Variants in FOXP1 observed in about 807,000 individuals in gnomAD.
FOXP1 encodes forkhead box P1, also known as forkhead box protein P1.
In FOXP1, 15 loss-of-function variants were observed where a neutral mutation model predicts 98.2. The observed-to-expected ratio is 0.15, with a 90% CI of 0.10 to 0.24. The LOEUF (loss-of-function observed/expected upper bound fraction) is 0.24, where lower values mean the gene tolerates loss of function less well. FOXP1 is among the 10% of genes least tolerant of loss of function. The pLI is 1.00. For missense variants in FOXP1, 633 were observed against 848.5 expected, an observed-to-expected ratio of 0.75 and a Z score of 3.15; for synonymous variants, 371 against 314.5, an observed-to-expected ratio of 1.18 and a Z score of -1.90.
At chr3:71,347,551 C>T (rs1322936029) in intron 4 of FOXP1, among the ~76,000 whole-genome samples, 4 of 152,062 alleles carry the variant, frequency 2.6e-5, no homozygotes, top group African/African-American at 4.8e-5. Flanking sequence ...AGGGTCATGT[C>T]AATATCATCA....
intron 1 of FOXP1, chr3:71,582,119 G>C (rs551936307): frequency 2.0e-6 from 2 of 983,744 alleles, no homozygotes; most frequent in Non-Finnish European, 2.4e-6. Flanking sequence ...ACACATGGGA[G>C]GGGGGCATGC....
intron 2 of FOXP1, among the ~76,000 whole-genome samples, chr3:71,522,074 C>A (rs544929991): frequency 2.0e-5 from 3 of 152,234 alleles, no homozygotes; most frequent in Non-Finnish European, 4.4e-5. Flanking sequence ...AAATAAAAAA[C>A]AGCCACATAC....
rs371567742 is a variant in FOXP1 at position 71,583,312 on chromosome 3, C to G, written c.-447+259G>C. Among the ~76,000 whole-genome samples the G allele has an allele frequency of 6.2e-4, 95 of 152,048 alleles. 1 individual carries two copies. In the South Asian group the frequency reaches 0.016, roughly 26 times the overall value. The stretch of plus-strand genomic sequence containing the variant: ...GCGCCGCCGGAGCTCCCTCCACCCG[C>G]GCGCCGGCCCGCAGCCCCCACCCAT... On this transcript the variant is annotated intron_variant, in intron 1 of 20. Transcript: ENST00000649528.
At chr3:70,979,897 A>C (rs2038511303) in intron 14 of FOXP1, among the ~76,000 whole-genome samples, 1 of 152,192 alleles carries the variant, frequency 6.6e-6, no homozygotes, top group African/African-American at 2.4e-5. Context: ...AGAAATACTA[A>C]TGGAAAAATG....
intron 6 of FOXP1, among the ~76,000 whole-genome samples, chr3:71,118,156 C>A (rs949542917): frequency 6.6e-6 from 1 of 152,170 alleles, no homozygotes; most frequent in African/African-American, 2.4e-5. Context: ...ATGGCCCTCT[C>A]GCTGCTGGCT....
rs2050378424 is a variant in FOXP1, at chr3:71,054,718, C to T, written c.283-945G>A. On this transcript the variant is annotated intron_variant, in intron 7 of 20. Coordinates refer to ENST00000649528, the MANE Select transcript of FOXP1 (RefSeq NM_001349338.3). The stretch of plus-strand genomic sequence containing the variant: ...TGTCAGTCCCCGTAATGCAAGAAGA[C>T]TATTTCATGAAAAATCACCCCCCGC... Among the ~76,000 whole-genome samples the T allele has an allele frequency of 2.6e-5, 4 of 151,930 alleles. No individual in the cohort carries two copies. The South Asian group carries it at 8.3e-4, about 32-fold the overall frequency.
chr3:71,466,124 G>T (rs1440098291), intron 3 of FOXP1, among the ~76,000 whole-genome samples: 1 of 152,128 alleles, frequency 6.6e-6, no homozygotes, highest in Non-Finnish European at 1.5e-5. Context: ...GCACAAGTGC[G>T]TACAGACCCC....
intron 2 of FOXP1, among the ~76,000 whole-genome samples, chr3:71,512,605 G>A (rs996473882): frequency 6.6e-6 from 1 of 152,150 alleles, no homozygotes; most frequent in African/African-American, 2.4e-5. Context: ...CTTTTCCTGG[G>A]TGACAAAAGA....
At chr3:71,388,229 A>G (rs994903847) in intron 3 of FOXP1, among the ~76,000 whole-genome samples, 1 of 152,220 alleles carries the variant, frequency 6.6e-6, no homozygotes, top group African/African-American at 2.4e-5. Flanking sequence ...TCTGAGAGCT[A>G]GTAAGCTAAA....
intron 4 of FOXP1, among the ~76,000 whole-genome samples, chr3:71,322,336 A>G (rs1408975542): frequency 6.6e-6 from 1 of 152,242 alleles, no homozygotes; most frequent in Non-Finnish European, 1.5e-5. Context: ...TGCACCAGTC[A>G]TATTTCCAGT....
At chr3:71,430,028 T>A (rs1408801778) in intron 3 of FOXP1, among the ~76,000 whole-genome samples, 2 of 152,228 alleles carry the variant, frequency 1.3e-5, no homozygotes, top group African/African-American at 4.8e-5. Flanking sequence ...AGATTCCTTT[T>A]TCCTCCATCC....
intron 5 of FOXP1, among the ~76,000 whole-genome samples, chr3:71,209,898 C>T (rs532138666): frequency 1.3e-5 from 2 of 152,292 alleles, no homozygotes; most frequent in East Asian, 3.9e-4. Context: ...ATAAGCAAAA[C>T]ATACTGAAAA....
intron 5 of FOXP1, among the ~76,000 whole-genome samples, chr3:71,221,380 G>C (rs1054928828): frequency 2.0e-5 from 3 of 152,214 alleles, no homozygotes; most frequent in African/African-American, 7.2e-5. Context: ...AGAAGACTTA[G>C]AAGGGAGTTT....
chr3:71,413,526 A>T (rs1005776952), intron 3 of FOXP1, among the ~76,000 whole-genome samples: 1 of 152,108 alleles, frequency 6.6e-6, no homozygotes, highest in Non-Finnish European at 1.5e-5. Flanking sequence ...GCAAAATTTT[A>T]TTATAAAAAT....
At chr3:71,026,996 T>C (rs9853278) in intron 11 of FOXP1, among the ~76,000 whole-genome samples, 4,400 of 152,316 alleles carry the variant, frequency 0.029, 179 homozygotes, top group African/African-American at 0.093. Flanking sequence ...CAGTAAGGGC[T>C]ATTCTGAGTT....
At chr3:71,508,645 G>A (rs2041994570) in intron 2 of FOXP1, among the ~76,000 whole-genome samples, 1 of 152,156 alleles carries the variant, frequency 6.6e-6, no homozygotes, top group African/African-American at 2.4e-5. Context: ...ACGTTTTATA[G>A]CCTCTTTCTG....
At chr3:71,392,820 A>T (rs1441947434) in intron 3 of FOXP1, among the ~76,000 whole-genome samples, 1 of 152,196 alleles carries the variant, frequency 6.6e-6, no homozygotes, top group African/African-American at 2.4e-5. Context: ...TGTAAAGAAT[A>T]AGACTGTAAT....
At chr3:71,424,561 C>CCTAA (rs200476344) in intron 3 of FOXP1, among the ~76,000 whole-genome samples, 2,216 of 152,268 alleles carry the variant, frequency 0.015, 60 homozygotes, top group African/African-American at 0.051. Context: ...GACCACCATG[C>CCTAA]CTAAGAATCA....
At chr3:71,439,807 G>A (rs764115016) in intron 3 of FOXP1, among the ~76,000 whole-genome samples, 2 of 152,068 alleles carry the variant, frequency 1.3e-5, no homozygotes, top group Non-Finnish European at 2.9e-5. Context: ...TTAGCTGAGT[G>A]TGGTGGTGCA....
Sources: allele counts gnomAD v4.1 joint callset (sites outside exome capture counted in the v4.1 genomes callset), GRCh38; gene constraint gnomAD v4.1.1; transcripts MANE v1.5; gene names NCBI Gene and HGNC (gene_info 2026-07-23, HGNC 2026-07-21).